The following PIERCE2 variants were observed in gnomAD, a reference collection of about 807,000 sequenced individuals.
The protein encoded by PIERCE2 is piercer of microtubule wall 2.
At chr15:55,414,208 TG>T in the PIERCE2 span, among the ~76,000 whole-genome samples, 56 of 41,666 alleles carry the variant, frequency 1.3e-3, no homozygotes, top group African/African-American at 3.3e-3. Context: ...GGTTTTTTTT[TG>T]TTTTTTTTTT....
the PIERCE2 span, chr15:55,418,716 C>T: frequency 3.5e-6 from 2 of 568,152 alleles, no homozygotes; most frequent in African/African-American, 1.9e-5. Flanking sequence ...CTGATAACTA[C>T]ATGACAGTGA....
At chr15:55,416,913 A>G in the PIERCE2 span, among the ~76,000 whole-genome samples, 1 of 152,164 alleles carries the variant, frequency 6.6e-6, no homozygotes, top group Admixed American at 6.6e-5. Context: ...GTAAGCCGAG[A>G]CTGCACCATT....
At chr15:55,417,826 G>A in the PIERCE2 span, 6 of 260,526 alleles carry the variant, frequency 2.3e-5, no homozygotes, top group Middle Eastern at 1.3e-3. Context: ...AGTCAGCGAA[G>A]GGAGATAGGG....
the PIERCE2 span, among the ~76,000 whole-genome samples, chr15:55,411,989 G>T: frequency 6.6e-6 from 1 of 150,434 alleles, no homozygotes; most frequent in African/African-American, 2.4e-5. Flanking sequence ...GATTTGGGAG[G>T]CTAAGGCAGG....
the PIERCE2 span, among the ~76,000 whole-genome samples, chr15:55,409,497 A>G: frequency 6.6e-6 from 1 of 152,220 alleles, no homozygotes. Context: ...TGGTAAAAGT[A>G]AATAAATAAA....
At chr15:55,408,611 T>G in the PIERCE2 span, 1 of 428,994 alleles carries the variant, frequency 2.3e-6, no homozygotes, top group African/African-American at 2.0e-5. Context: ...ATTAAACGGA[T>G]AGGTTTACAC....
At chr15:55,415,432 G>C in the PIERCE2 span, among the ~76,000 whole-genome samples, 1 of 151,040 alleles carries the variant, frequency 6.6e-6, no homozygotes, top group Non-Finnish European at 1.5e-5. Flanking sequence ...CTCCAGCCTG[G>C]GGGACGAGAG....
the PIERCE2 span, among the ~76,000 whole-genome samples, chr15:55,413,237 C>T: frequency 3.1e-4 from 46 of 149,916 alleles, no homozygotes; most frequent in South Asian, 3.4e-3. Context: ...CACTGCACTC[C>T]GGCCTGGGCA....
At chr15:55,416,478 T>C in the PIERCE2 span, among the ~76,000 whole-genome samples, 2 of 152,188 alleles carry the variant, frequency 1.3e-5, no homozygotes, top group Admixed American at 6.6e-5. Context: ...ATCATCTATA[T>C]ATAAAACTAC....
chr15:55,415,602 G>A, the PIERCE2 span, among the ~76,000 whole-genome samples: 1 of 152,170 alleles, frequency 6.6e-6, no homozygotes, highest in African/African-American at 2.4e-5. Flanking sequence ...CCGCGTGAGA[G>A]AGTCCTGATC....
chr15:55,411,521 C>T, the PIERCE2 span, among the ~76,000 whole-genome samples: 2 of 151,970 alleles, frequency 1.3e-5, no homozygotes, highest in Non-Finnish European at 2.9e-5. Flanking sequence ...CGCAGTGGCT[C>T]ACACCTGTAA....
At chr15:55,414,544 A>G in the PIERCE2 span, among the ~76,000 whole-genome samples, 3 of 152,336 alleles carry the variant, frequency 2.0e-5, no homozygotes, top group Admixed American at 1.3e-4. Context: ...TAGTCATTGT[A>G]AGTCTTCCAA....
At chr15:55,410,217 A>G in the PIERCE2 span, among the ~76,000 whole-genome samples, 1 of 152,216 alleles carries the variant, frequency 6.6e-6, no homozygotes, top group East Asian at 1.9e-4. Context: ...GGTACTAATT[A>G]TGCCAACAAA....
At chr15:55,418,281 C>T in the PIERCE2 span, 1 of 1,552,022 alleles carries the variant, frequency 6.4e-7, no homozygotes, top group Non-Finnish European at 8.7e-7. Flanking sequence ...GAACAACTGC[C>T]TCCTTGTGTG....
the PIERCE2 span, among the ~76,000 whole-genome samples, chr15:55,412,920 A>G: frequency 6.6e-6 from 1 of 152,090 alleles, no homozygotes; most frequent in Admixed American, 6.6e-5. Flanking sequence ...GCTTGAGACC[A>G]GGAGTTCAAG....
chr15:55,413,539 A>T, the PIERCE2 span, among the ~76,000 whole-genome samples: 1 of 152,062 alleles, frequency 6.6e-6, no homozygotes, highest in South Asian at 2.1e-4. Flanking sequence ...CAGGCAGATC[A>T]CTTGAGGTCG....
chr15:55,418,091 G>C, the PIERCE2 span: 5 of 1,580,710 alleles, frequency 3.2e-6, no homozygotes, highest in African/African-American at 2.7e-5. Context: ...CTTAGCTTGG[G>C]CTCAGAGGCC....
chr15:55,408,791 G>A, the PIERCE2 span: 4 of 1,522,190 alleles, frequency 2.6e-6, no homozygotes, highest in African/African-American at 5.5e-5. Context: ...AACCGGGTGA[G>A]TTTAGGCAGA....
chr15:55,409,278 G>C, the PIERCE2 span, among the ~76,000 whole-genome samples: 1 of 151,918 alleles, frequency 6.6e-6, no homozygotes, highest in Non-Finnish European at 1.5e-5. Context: ...GGTGGCGCGG[G>C]CCTGTAATCC....
Sources: gnomAD v4.1 joint callset for allele counts (sites outside exome capture counted in the v4.1 genomes callset) on GRCh38, gnomAD v4.1.1 for gene constraint, MANE v1.5 for transcripts, NCBI Gene and HGNC (gene_info 2026-07-23, HGNC 2026-07-21) for gene names.